The following CRYBG3 variants were observed in gnomAD, a reference collection of about 807,000 sequenced individuals.
CRYBG3 encodes the protein very large A-kinase anchor protein.
Under a neutral mutation model 244.2 loss-of-function variants are expected in CRYBG3, and 127 were observed. The observed-to-expected ratio is 0.52, with a 90% CI of 0.45 to 0.60. The LOEUF is 0.60. Among genes scored for constraint, CRYBG3 ranks in the 20% least tolerant of loss-of-function variants. CRYBG3 has a pLI of 0.00. For synonymous variants in CRYBG3, 1,132 were observed against 1,195.8 expected, an observed-to-expected ratio of 0.95 and a Z score of 1.10; for missense variants, 3,325 against 3,442.5, an observed-to-expected ratio of 0.97 and a Z score of 0.85.
intron 2 of CRYBG3, among the ~76,000 whole-genome samples, chr3:97,845,452 A>G (rs1052188376): frequency 6.6e-6 from 1 of 152,206 alleles, no homozygotes; most frequent in Non-Finnish European, 1.5e-5. Flanking sequence ...TACTTCTAAC[A>G]TTTACATCTA....
intron 2 of CRYBG3, among the ~76,000 whole-genome samples, chr3:97,845,620 T>A (rs1404598042): frequency 6.6e-6 from 1 of 152,212 alleles, no homozygotes; most frequent in East Asian, 1.9e-4. Flanking sequence ...CTTCTACCTA[T>A]GTCAGATGAA....
In CRYBG3 at chr3:97,872,398, A is replaced by G. The variant is rs1196949175; in HGVS notation, c.1204A>G (p.Thr402Ala). 2.0e-6 allele frequency: 3 copies of G among 1,535,898 alleles called. No homozygotes were observed. The highest frequency in any genetic ancestry group is 2.6e-6 in the Non-Finnish European group (3 of 1,146,772). The change falls in exon 4 of 22, where the codon ACT becomes GCT. Residue 402 changes from threonine to alanine, a missense_variant. Around this residue, in one of 4 missense-constraint regions of CRYBG3, gnomAD observed 1,526 missense variants for 1,443.2 expected, o/e 1.06. Transcript: ENST00000389622. ...VPCSPDFQRV[T>A]TTENTIKENS... ...TTGCAGCCCAGATTTTCAGAGAGTA[A>G]CTACAACAGAAAATACGATAAAAGA...
chr3:97,891,119 A>G (rs763605088), intron 10 of CRYBG3, among the ~76,000 whole-genome samples: 89 of 152,198 alleles, frequency 5.8e-4, no homozygotes, highest in Non-Finnish European at 1.1e-3. Flanking sequence ...TGTAAGAAAC[A>G]GTATGTATTT....
In CRYBG3 at chr3:97,921,521, C is replaced by T. The variant is rs546845955; in HGVS notation, c.8241+5785C>T. Among the ~76,000 whole-genome samples, 45 of 152,228 alleles carry T rather than the reference C, an allele frequency of 3.0e-4. No individual in the cohort carries two copies. The South Asian group carries it at 8.3e-3, about 28-fold the overall frequency. ...AAGTTCATTCTTCTACTTCAGAGCT[C>T]ATTCCATAAGAGGGGTTGTACTTTG... On this transcript the variant is annotated intron_variant, in intron 17 of 21. Coordinates refer to ENST00000389622, the MANE Select transcript of CRYBG3 (RefSeq NM_153605.4).
In CRYBG3 at chr3:97,873,434, G is replaced by A. The variant is rs139338714; in HGVS notation, c.2240G>A (p.Gly747Asp). 1 of 1,535,242 alleles carries A rather than the reference G, an allele frequency of 6.5e-7. No homozygotes were observed. The highest frequency in any genetic ancestry group is 2.4e-5 in the East Asian group (1 of 40,906). The change falls in exon 4 of 22, where the codon GGT (glycine) becomes GAT (aspartate). Residue 747 changes from glycine to aspartate, a missense_variant. Transcript: ENST00000389622. ...AGTGAAAAATGCCAGGTTCTTCCAG[G>A]TTCTGAAGCCAGTGGCCCTCACTTA... Reference protein sequence around the residue: ...SNSEKCQVLPGSEASGPHLTG... With the variant: ...SNSEKCQVLPDSEASGPHLTG...
intron 18 of CRYBG3, 111 bp downstream of exon 18, chr3:97,933,944 AAGAGCC>A (rs1240277560): frequency 7.3e-6 from 6 of 818,468 alleles, no homozygotes; most frequent in Non-Finnish European, 9.5e-6. Context: ...GGTCTTGAGG[AAGAGCC>A]CTTTGGAAGA....
Position 97,912,263 on chromosome 3 carries a change from GTTC to G in CRYBG3, c.8105_8107del (p.Leu2702del), listed in dbSNP as rs1273063517. The stretch of plus-strand genomic sequence containing the variant: ...TTCACTCATGCCATGTTCTTTTAAA[GTTC>G]TTCGAGGTTGGTAAGTATGCTTACT... On this transcript the variant is annotated inframe_deletion, in exon 16 of 22. Transcript: ENST00000389622. The G allele has an allele frequency of 1.3e-6, 2 of 1,585,284 alleles. No homozygotes were observed. Among genetic ancestry groups the G allele is most frequent in the Non-Finnish European group, 1.7e-6 (2 of 1,160,302 alleles).
At chr3:97,915,563 G>C in intron 16 of CRYBG3, 47 bp from the exon 17 acceptor site, 1 of 1,575,360 alleles carries the variant, frequency 6.3e-7, no homozygotes, top group Non-Finnish European at 8.7e-7. Context: ...AGCCTATACT[G>C]CCAAGTGAAT....
Position 97,941,183 on chromosome 3 carries a change from G to C in CRYBG3, c.8541G>C (p.Gln2847His). 6.2e-7 allele frequency: 1 copy of C among 1,611,584 alleles called. No individual in the cohort carries two copies. The highest frequency in any genetic ancestry group is 8.5e-7 in the Non-Finnish European group (1 of 1,178,402). ...AVYIRIKNRAQGEYLTVTGSL... is the reference protein window; with the variant it reads ...AVYIRIKNRAHGEYLTVTGSL... Reference sequence around the variant, plus strand: ...ACATCAGAATAAAGAACCGTGCCCAGGGTGAATATCTGACAGTCACTGGAA... The same window carrying C: ...ACATCAGAATAAAGAACCGTGCCCACGGTGAATATCTGACAGTCACTGGAA... Residue 2847 changes from glutamine to histidine, a missense_variant, in exon 20 of 22, where the codon CAG (glutamine) becomes CAC (histidine). Physicochemically the swap from Gln to His is conservative, Grantham distance 24 (BLOSUM62 0). Coordinates refer to ENST00000389622, the MANE Select transcript of CRYBG3 (RefSeq NM_153605.4).
At chr3:97,868,375 C>G (rs2039261579) in intron 3 of CRYBG3, among the ~76,000 whole-genome samples, 1 of 151,814 alleles carries the variant, frequency 6.6e-6, no homozygotes, top group African/African-American at 2.4e-5. Flanking sequence ...ATGACTTAAC[C>G]TTTTAAAAAT....
chr3:97,841,310 G>T (rs938233851), intron 1 of CRYBG3, among the ~76,000 whole-genome samples: 4 of 149,926 alleles, frequency 2.7e-5, no homozygotes, highest in African/African-American at 9.8e-5. Flanking sequence ...GTATATATAT[G>T]TGTATATACG....
At chr3:97,853,807 G>C (rs1242592405) in intron 2 of CRYBG3, among the ~76,000 whole-genome samples, 2 of 151,706 alleles carry the variant, frequency 1.3e-5, no homozygotes, top group African/African-American at 4.8e-5. Flanking sequence ...TTGTGGTTTT[G>C]ATTTGCATTT....
chr3:97,909,710 A>T (rs563423073), intron 15 of CRYBG3, among the ~76,000 whole-genome samples: 1 of 151,796 alleles, frequency 6.6e-6, no homozygotes, highest in Admixed American at 6.6e-5. Flanking sequence ...CCCGTAGCTC[A>T]GAGTAATTTG....
intron 17 of CRYBG3, among the ~76,000 whole-genome samples, chr3:97,919,130 T>A (rs1400396304): frequency 6.6e-6 from 1 of 152,216 alleles, no homozygotes; most frequent in African/African-American, 2.4e-5. Context: ...TCTCTGCCAC[T>A]GTAGCAGAGC....
rs762047991 is a variant in CRYBG3, at chr3:97,878,054, A to G, written c.6843+17A>G. ...TTTATAGAGGTAAGTTATTTTGTTT[A>G]TTGTATTAATAATAGTTATTAAAGC... On this transcript the variant is annotated intron_variant, in intron 4 of 21. Coordinates refer to ENST00000389622, the MANE Select transcript of CRYBG3 (RefSeq NM_153605.4). The G allele has an allele frequency of 1.3e-6, 2 of 1,567,630 alleles. No homozygotes were observed. The highest frequency in any genetic ancestry group is 1.7e-6 in the Non-Finnish European group (2 of 1,158,602).
chr3:97,917,710 C>T (rs559255448), intron 17 of CRYBG3, among the ~76,000 whole-genome samples: 1 of 152,164 alleles, frequency 6.6e-6, no homozygotes, highest in Admixed American at 6.5e-5. Flanking sequence ...GGCACTTTTT[C>T]CCCCTCTCTG....
intron 2 of CRYBG3, among the ~76,000 whole-genome samples, chr3:97,861,931 G>T (rs1203292953): frequency 6.6e-6 from 1 of 152,002 alleles, no homozygotes; most frequent in Non-Finnish European, 1.5e-5. Context: ...ACTTTTTGTT[G>T]TTGAAGGTGT....
chr3:97,827,738 T>C (rs376146779), intron 1 of CRYBG3, among the ~76,000 whole-genome samples: 14 of 152,076 alleles, frequency 9.2e-5, no homozygotes, highest in African/African-American at 3.4e-4. Flanking sequence ...CTTTACTCCC[T>C]TTTACAATAT....
rs190794854 is a variant in CRYBG3, at chr3:97,883,372, C to G, written c.7152+2153C>G. ...CTAGTTAGTTCGTAACTGAACTCTTCTAAGATTTATATCACTTGTGGTTTT... is the reference window on the plus strand; with the variant it reads ...CTAGTTAGTTCGTAACTGAACTCTTGTAAGATTTATATCACTTGTGGTTTT... On this transcript the variant is annotated intron_variant, in intron 7 of 21. Transcript: ENST00000389622. Among the ~76,000 whole-genome samples the G allele has an allele frequency of 3.7e-3, 565 of 152,242 alleles. 4 individuals carry two copies. The highest frequency in any genetic ancestry group is 6.1e-3 in the Non-Finnish European group (413 of 68,016).
Sources: allele counts gnomAD v4.1 joint callset (sites outside exome capture counted in the v4.1 genomes callset), GRCh38; gene constraint gnomAD v4.1.1; regional missense constraint gnomAD v4.1.1; transcripts MANE v1.5; gene names NCBI Gene and HGNC (gene_info 2026-07-23, HGNC 2026-07-21).